The following UNC5C variants were observed in gnomAD, a reference collection of about 807,000 sequenced individuals.
UNC5C encodes the protein unc-5 netrin receptor C.
In UNC5C, 47 loss-of-function variants were observed where a neutral mutation model predicts 99.8. That is an observed-to-expected ratio of 0.47 (90% CI 0.37 to 0.60). UNC5C has a LOEUF of 0.60. Among genes scored for constraint, UNC5C ranks in the 20% least tolerant of loss-of-function variants. The probability of loss-of-function intolerance (pLI) is 0.00; values close to 1 mark genes in which losing one functional copy is unlikely to be tolerated. For missense variants in UNC5C, 1,062 were observed against 1,165.9 expected (o/e 0.91, Z 1.30); for synonymous variants, 487 against 452.2 (o/e 1.08, Z -0.98).
At chr4:95,331,365 CTA>C in intron 2 of UNC5C, among the ~76,000 whole-genome samples, 1 of 152,016 alleles carries the variant, frequency 6.6e-6, no homozygotes, top group African/African-American at 2.4e-5. Flanking sequence ...AAATGGTGTT[CTA>C]TTTTTAGTTC....
intron 1 of UNC5C, among the ~76,000 whole-genome samples, chr4:95,493,767 G>C (rs1415876198): frequency 6.6e-6 from 1 of 151,342 alleles, no homozygotes; most frequent in Non-Finnish European, 1.5e-5. Context: ...ATTCCTGCTT[G>C]TTTCAGCAGG....
chr4:95,475,159 C>T (rs1748102762), intron 1 of UNC5C, among the ~76,000 whole-genome samples: 1 of 151,940 alleles, frequency 6.6e-6, no homozygotes, highest in South Asian at 2.1e-4. Context: ...TCAACTTTCC[C>T]AATGATGAAG....
chr4:95,543,321 C>T (rs1337360384), intron 1 of UNC5C, among the ~76,000 whole-genome samples: 1 of 152,104 alleles, frequency 6.6e-6, no homozygotes, highest in Non-Finnish European at 1.5e-5. Flanking sequence ...TATTTTATCT[C>T]AAAAGTCTGA....
At chr4:95,547,362 C>T (rs1444588219) in intron 1 of UNC5C, among the ~76,000 whole-genome samples, 1 of 152,132 alleles carries the variant, frequency 6.6e-6, no homozygotes, top group African/African-American at 2.4e-5. Context: ...CACTCCTATG[C>T]TAGGCGCTCT....
chr4:95,446,100 G>C (rs1359963729), intron 1 of UNC5C, among the ~76,000 whole-genome samples: 1 of 151,986 alleles, frequency 6.6e-6, no homozygotes, highest in Non-Finnish European at 1.5e-5. Flanking sequence ...TAAAGAGACC[G>C]GCCTCATTCA....
chr4:95,182,660 C>G (rs1310513678), intron 14 of UNC5C, among the ~76,000 whole-genome samples: 2 of 152,144 alleles, frequency 1.3e-5, no homozygotes, highest in African/African-American at 4.8e-5. Context: ...TCTTAAAATT[C>G]ATGTCATAAA....
At chr4:95,268,525 A>G (rs1413888146) in intron 4 of UNC5C, among the ~76,000 whole-genome samples, 3 of 152,162 alleles carry the variant, frequency 2.0e-5, no homozygotes, top group African/African-American at 7.2e-5. Context: ...CTGATACACA[A>G]ACTTGTTAAC....
At chr4:95,475,289 G>A (rs566186457) in intron 1 of UNC5C, among the ~76,000 whole-genome samples, 3 of 152,092 alleles carry the variant, frequency 2.0e-5, no homozygotes, top group East Asian at 1.9e-4. Flanking sequence ...GTGAGAACAC[G>A]GAATCTGAAT....
At chr4:95,439,383 G>T (rs374594798) in intron 1 of UNC5C, among the ~76,000 whole-genome samples, 1,468 of 144,436 alleles carry the variant, frequency 0.01, 17 homozygotes, top group African/African-American at 0.035. Flanking sequence ...TGAGGTTTTG[G>T]TTTTTTTTTT....
At chr4:95,172,920 C>A (rs1474826781) in intron 14 of UNC5C, among the ~76,000 whole-genome samples, 1 of 152,056 alleles carries the variant, frequency 6.6e-6, no homozygotes, top group Non-Finnish European at 1.5e-5. Flanking sequence ...TTTCCTTGAG[C>A]AGTGGTTTGT....
chr4:95,485,943 G>C (rs1482807855), intron 1 of UNC5C, among the ~76,000 whole-genome samples: 1 of 151,346 alleles, frequency 6.6e-6, no homozygotes, highest in African/African-American at 2.4e-5. Flanking sequence ...TAAGAACCCT[G>C]CGATCATCAA....
intron 1 of UNC5C, among the ~76,000 whole-genome samples, chr4:95,455,444 G>C (rs1463628297): frequency 6.6e-6 from 1 of 151,992 alleles, no homozygotes; most frequent in Non-Finnish European, 1.5e-5. Flanking sequence ...TGAGGCAGGA[G>C]CATTGCTTGC....
chr4:95,323,177 C>T (rs1362077329), intron 2 of UNC5C, among the ~76,000 whole-genome samples: 1 of 152,108 alleles, frequency 6.6e-6, no homozygotes, highest in Non-Finnish European at 1.5e-5. Context: ...GTGAAGAAAA[C>T]TATGGTATAA....
chr4:95,542,002 T>C (rs1240671700), intron 1 of UNC5C, among the ~76,000 whole-genome samples: 3 of 152,162 alleles, frequency 2.0e-5, no homozygotes, highest in African/African-American at 4.8e-5. Flanking sequence ...CATGGTCATC[T>C]ACATGAGGCA....
chr4:95,395,054 C>G (rs1745472112), intron 1 of UNC5C, among the ~76,000 whole-genome samples: 1 of 152,114 alleles, frequency 6.6e-6, no homozygotes, highest in South Asian at 2.1e-4. Context: ...CTTCTTCAGC[C>G]CTCCTGTCTG....
intron 1 of UNC5C, among the ~76,000 whole-genome samples, chr4:95,470,403 T>G (rs1208370166): frequency 6.6e-6 from 1 of 152,104 alleles, no homozygotes. Flanking sequence ...GTTCTGTTGA[T>G]CAGTTTACCT....
intron 7 of UNC5C, among the ~76,000 whole-genome samples, chr4:95,231,565 T>A (rs543761571): frequency 6.6e-6 from 1 of 152,202 alleles, no homozygotes; most frequent in East Asian, 1.9e-4. Flanking sequence ...ACCTGGCCGC[T>A]TGGTCTTCTT....
chr4:95,264,148 AG>A, intron 4 of UNC5C, among the ~76,000 whole-genome samples: 1 of 152,154 alleles, frequency 6.6e-6, no homozygotes, highest in Non-Finnish European at 1.5e-5. Flanking sequence ...TAATTCTGTA[AG>A]GAACAATCTT....
At chr4:95,520,914 A>G (rs1050434639) in intron 1 of UNC5C, among the ~76,000 whole-genome samples, 1 of 151,918 alleles carries the variant, frequency 6.6e-6, no homozygotes, top group African/African-American at 2.4e-5. Flanking sequence ...TATCCTCTTT[A>G]TTGTAACCTG....
Sources: gnomAD v4.1 joint callset for allele counts (sites outside exome capture counted in the v4.1 genomes callset) on GRCh38, gnomAD v4.1.1 for gene constraint, MANE v1.5 for transcripts, NCBI Gene and HGNC (gene_info 2026-07-23, HGNC 2026-07-21) for gene names.